KCNIP1: variants seen among roughly 807,000 people sequenced by gnomAD.
KCNIP1 encodes potassium voltage-gated channel interacting protein 1.
Under a neutral mutation model 33.0 loss-of-function variants are expected in KCNIP1, and 18 were observed. The observed-to-expected ratio is 0.55, with a 90% CI of 0.38 to 0.81. The LOEUF (loss-of-function observed/expected upper bound fraction) is 0.81. Among genes scored for constraint, KCNIP1 ranks in the 30% least tolerant of loss-of-function variants. The pLI is 0.00. For missense variants in KCNIP1, 238 were observed against 271.6 expected, an observed-to-expected ratio of 0.88 and a Z score of 0.87; for synonymous variants, 93 against 98.3, an observed-to-expected ratio of 0.95 and a Z score of 0.32.
chr5:170,726,284 T>C (rs912228302), intron 5 of KCNIP1, among the ~76,000 whole-genome samples: 1 of 152,162 alleles, frequency 6.6e-6, no homozygotes, highest in Non-Finnish European at 1.5e-5. Context: ...TATAATTTAA[T>C]ACAAAGATAA....
At chr5:170,465,209 T>C (rs1044596828) in intron 1 of KCNIP1, among the ~76,000 whole-genome samples, 7 of 152,222 alleles carry the variant, frequency 4.6e-5, no homozygotes, top group African/African-American at 1.7e-4. Flanking sequence ...ATAAAATTTT[T>C]CTGTACAACA....
chr5:170,392,086 G>A (rs774951510), intron 1 of KCNIP1, among the ~76,000 whole-genome samples: 4 of 152,130 alleles, frequency 2.6e-5, no homozygotes, highest in African/African-American at 4.8e-5. Context: ...CCCCCCACAC[G>A]CTCTCGGGAC....
intron 1 of KCNIP1, among the ~76,000 whole-genome samples, chr5:170,439,472 A>C (rs1755938292): frequency 7.1e-6 from 1 of 141,380 alleles, no homozygotes; most frequent in African/African-American, 2.6e-5. Flanking sequence ...AGCCTGGCAC[A>C]ATGTGGGGGA....
At position 170,355,505 on chromosome 5, in the gene KCNIP1, G is replaced by A. The variant is rs577179248; in HGVS notation, c.88+1541G>A. ...TTGTCCCCACCTGCAGTCTAGTGGCGACCCAGACCCCACACACAGATGCTC... is the reference window on the plus strand; with the variant it reads ...TTGTCCCCACCTGCAGTCTAGTGGCAACCCAGACCCCACACACAGATGCTC... On this transcript the variant is annotated intron_variant, in intron 1 of 7. Coordinates refer to the KCNIP1 transcript ENST00000377360. Among the ~76,000 whole-genome samples the A allele has an allele frequency of 9.2e-5, 14 of 152,266 alleles. No individual in the cohort carries two copies. In the East Asian group the frequency reaches 1.7e-3, roughly 19 times the overall value.
At chr5:170,475,537 G>T (rs1343427075) in intron 1 of KCNIP1, among the ~76,000 whole-genome samples, 1 of 152,136 alleles carries the variant, frequency 6.6e-6, no homozygotes, top group Non-Finnish European at 1.5e-5. Flanking sequence ...CTAAGTTAAG[G>T]GCTCTCACTG....
At chr5:170,612,512 C>G (rs921068842) in intron 1 of KCNIP1, among the ~76,000 whole-genome samples, 2 of 152,184 alleles carry the variant, frequency 1.3e-5, no homozygotes, top group Admixed American at 6.5e-5. Flanking sequence ...GGGAGAGTGA[C>G]AGCCAGCCAG....
At chr5:170,558,348 A>G (rs60974149) in intron 1 of KCNIP1, among the ~76,000 whole-genome samples, 13,432 of 152,318 alleles carry the variant, frequency 0.088, 1,917 homozygotes, top group African/African-American at 0.29. Flanking sequence ...GACCAGCCTG[A>G]GCAACATAGT....
At chr5:170,422,261 T>G (rs1755512533) in intron 1 of KCNIP1, 1 of 152,190 alleles carries the variant, frequency 6.6e-6, no homozygotes, top group Admixed American at 6.5e-5. Flanking sequence ...GAAAGGAACT[T>G]GGTTCTGGTC....
intron 5 of KCNIP1, among the ~76,000 whole-genome samples, chr5:170,724,462 G>T (rs1159784664): frequency 6.6e-6 from 1 of 152,038 alleles, no homozygotes; most frequent in African/African-American, 2.4e-5. Context: ...AGGAAGGCAA[G>T]GTTGGTTTAA....
chr5:170,670,960 A>G (rs1316212445), intron 1 of KCNIP1, among the ~76,000 whole-genome samples: 2 of 151,636 alleles, frequency 1.3e-5, no homozygotes, highest in Non-Finnish European at 2.9e-5. Context: ...TGAACCTGAC[A>G]CATGGTCCAG....
At chr5:170,623,290 C>T (rs1329485674) in intron 1 of KCNIP1, among the ~76,000 whole-genome samples, 1 of 151,706 alleles carries the variant, frequency 6.6e-6, no homozygotes, top group Non-Finnish European at 1.5e-5. Flanking sequence ...CTCGACTCTT[C>T]AACCTCCGCC....
At chr5:170,684,432 G>A (rs966528889) in intron 1 of KCNIP1, among the ~76,000 whole-genome samples, 2 of 152,152 alleles carry the variant, frequency 1.3e-5, no homozygotes, top group Admixed American at 1.3e-4. Flanking sequence ...TTGGCTTGTG[G>A]CAGCATCACT....
intron 5 of KCNIP1, among the ~76,000 whole-genome samples, chr5:170,728,049 C>T (rs921379939): frequency 2.6e-5 from 4 of 152,206 alleles, no homozygotes; most frequent in Non-Finnish European, 4.4e-5. Context: ...TAATTTATCA[C>T]ATTAATATAT....
At chr5:170,612,759 G>T (rs549446758) in intron 1 of KCNIP1, among the ~76,000 whole-genome samples, 5 of 152,208 alleles carry the variant, frequency 3.3e-5, no homozygotes, top group African/African-American at 1.2e-4. Flanking sequence ...GTAATTCAGA[G>T]AACTCAATTT....
chr5:170,587,421 C>CAAAAAAA (rs56358014), intron 1 of KCNIP1, among the ~76,000 whole-genome samples: 2 of 70,348 alleles, frequency 2.8e-5, no homozygotes, highest in African/African-American at 5.4e-5. Context: ...GACTCTGTCT[C>CAAAAAAA]AAAAAAAAAA....
chr5:170,585,337 T>G (rs181909051), intron 1 of KCNIP1, among the ~76,000 whole-genome samples: 1 of 152,196 alleles, frequency 6.6e-6, no homozygotes, highest in Admixed American at 6.5e-5. Context: ...GGGTCATCAG[T>G]GAGTTAGGGG....
At chr5:170,460,370 G>A (rs1008190723) in intron 1 of KCNIP1, among the ~76,000 whole-genome samples, 2 of 151,920 alleles carry the variant, frequency 1.3e-5, no homozygotes, top group Non-Finnish European at 2.9e-5. Context: ...CCAAAACCAG[G>A]AAAGGACACA....
intron 1 of KCNIP1, among the ~76,000 whole-genome samples, chr5:170,663,055 A>T (rs954673975): frequency 6.6e-6 from 1 of 152,106 alleles, no homozygotes; most frequent in Admixed American, 6.5e-5. Context: ...TGAACCAGGC[A>T]TGGGGGATGG....
chr5:170,453,045 C>T (rs1197720202), intron 1 of KCNIP1, among the ~76,000 whole-genome samples: 1 of 152,200 alleles, frequency 6.6e-6, no homozygotes, highest in Non-Finnish European at 1.5e-5. Context: ...TGTGCTAGCA[C>T]TTTGGCAGTT....
Sources: allele counts gnomAD v4.1 joint callset (sites outside exome capture counted in the v4.1 genomes callset), GRCh38; gene constraint gnomAD v4.1.1; transcripts MANE v1.5; gene names NCBI Gene and HGNC (gene_info 2026-07-23, HGNC 2026-07-21).